Variants in KCTD16 observed in about 807,000 individuals in gnomAD.
KCTD16 encodes BTB/POZ domain-containing protein KCTD16.
KCTD16 carries 13 observed loss-of-function variants against 33.2 expected under a neutral mutation model. That is an observed-to-expected ratio of 0.39 (90% CI 0.25 to 0.62). The LOEUF is 0.62. Ranked by LOEUF, KCTD16 falls within the 20% of genes least tolerant of loss-of-function variation. KCTD16 has a pLI of 0.50. For synonymous variants in KCTD16, 197 were observed against 195.3 expected (o/e 1.01, Z -0.07); for missense variants, 441 against 525.1 (o/e 0.84, Z 1.57).
At chr5:144,340,827 A>G (rs1337722916) in intron 3 of KCTD16, among the ~76,000 whole-genome samples, 1 of 151,946 alleles carries the variant, frequency 6.6e-6, no homozygotes, top group Non-Finnish European at 1.5e-5. Flanking sequence ...AGGCAGATGG[A>G]TCACCTGAGG....
chr5:144,288,531 A>G (rs753842408), intron 3 of KCTD16, among the ~76,000 whole-genome samples: 23 of 152,190 alleles, frequency 1.5e-4, no homozygotes, highest in Admixed American at 2.0e-4. Flanking sequence ...ATTTGTGGGT[A>G]TATCACATAC....
intron 3 of KCTD16, among the ~76,000 whole-genome samples, chr5:144,454,739 GT>G (rs550171302): frequency 1.6e-3 from 241 of 150,924 alleles, no homozygotes; most frequent in Admixed American, 3.9e-3. Context: ...TACCAGGAGG[GT>G]TTTTTTTTCC....
At chr5:144,393,170 G>A (rs1479529356) in intron 3 of KCTD16, among the ~76,000 whole-genome samples, 2 of 152,074 alleles carry the variant, frequency 1.3e-5, no homozygotes, top group African/African-American at 4.8e-5. Flanking sequence ...GCTCATCACT[G>A]TTGCCCCTAC....
intron 3 of KCTD16, chr5:144,439,266 C>G: frequency 5.5e-6 from 2 of 366,052 alleles, no homozygotes; most frequent in East Asian, 7.1e-5. Flanking sequence ...TGAGTATTGG[C>G]ATGTCATGTT....
intron 3 of KCTD16, among the ~76,000 whole-genome samples, chr5:144,323,492 G>A (rs1200018943): frequency 6.6e-6 from 1 of 152,170 alleles, no homozygotes; most frequent in Non-Finnish European, 1.5e-5. Context: ...ATGGGTAGAT[G>A]TGTACTAGGT....
At chr5:144,468,324 A>G (rs969092222) in intron 3 of KCTD16, among the ~76,000 whole-genome samples, 3 of 152,110 alleles carry the variant, frequency 2.0e-5, no homozygotes, top group African/African-American at 7.2e-5. Flanking sequence ...TCTAACCAAT[A>G]CTTACGTTAA....
At chr5:144,418,181 T>C (rs1753121056) in intron 3 of KCTD16, among the ~76,000 whole-genome samples, 1 of 152,180 alleles carries the variant, frequency 6.6e-6, no homozygotes, top group African/African-American at 2.4e-5. Context: ...GTGTTACAGC[T>C]CATAAAGGTA....
chr5:144,474,098 G>A lies in KCTD16; in HGVS notation c.1271G>A (p.Arg424Lys), dbSNP rs767834547. ...CATCCTTGGCAATCTGAACTTTTAAGGAAGTATCATCTATAAGGGAGGGCT... is the reference window on the plus strand; with the variant it reads ...CATCCTTGGCAATCTGAACTTTTAAAGAAGTATCATCTATAAGGGAGGGCT... The part of the protein sequence containing the change: ...RKHPWQSELL[R>K]KYHL Residue 424 changes from arginine (R) to lysine (K), a missense_variant, in exon 4 of 4, where the codon AGG becomes AAG. Physicochemically the swap from Arg to Lys is conservative, Grantham distance 26. Transcript: ENST00000512467. 2 of 1,610,884 alleles carry A rather than the reference G, an allele frequency of 1.2e-6. No homozygotes were observed. The highest frequency in any genetic ancestry group is 2.2e-5 in the East Asian group (1 of 44,832).
intron 3 of KCTD16, among the ~76,000 whole-genome samples, chr5:144,345,436 A>G (rs1436514840): frequency 6.6e-6 from 1 of 152,182 alleles, no homozygotes; most frequent in Non-Finnish European, 1.5e-5. Flanking sequence ...CCTACATATT[A>G]GATATTGAGA....
chr5:144,429,258 C>T (rs953218983), intron 3 of KCTD16, among the ~76,000 whole-genome samples: 1 of 152,098 alleles, frequency 6.6e-6, no homozygotes, highest in African/African-American at 2.4e-5. Context: ...TGTCAAAAAT[C>T]CACCTTAGAC....
chr5:144,453,054 G>C (rs1243035040), intron 3 of KCTD16, among the ~76,000 whole-genome samples: 4 of 152,160 alleles, frequency 2.6e-5, no homozygotes, highest in Non-Finnish European at 5.9e-5. Context: ...GTCCTGAGAA[G>C]CCCTTTCTTC....
Position 144,206,614 on chromosome 5 carries a change from G to A in KCTD16, c.-101G>A. On this transcript the variant is annotated 5_prime_UTR_variant, in exon 3 of 4. Coordinates refer to ENST00000512467, the MANE Select transcript of KCTD16 (RefSeq NM_020768.4). Reference sequence around the variant, plus strand: ...GAGGAGGTCATTTTTTAATAAGTTAGCATCCTTTTCCCTTTCTTACAAGTT... The same window carrying A: ...GAGGAGGTCATTTTTTAATAAGTTAACATCCTTTTCCCTTTCTTACAAGTT... 2.0e-6 allele frequency: 2 copies of A among 1,004,412 alleles called. No homozygotes were observed. The highest frequency in any genetic ancestry group is 2.6e-4 in the Middle Eastern group (1 of 3,890). 62.2% of individuals were successfully genotyped at this position (1,004,412 alleles called of 1,614,324 possible).
At chr5:144,225,581 TG>T (rs1753906945) in intron 3 of KCTD16, among the ~76,000 whole-genome samples, 1 of 151,856 alleles carries the variant, frequency 6.6e-6, no homozygotes, top group Admixed American at 6.6e-5. Context: ...TGTGTGTGTG[TG>T]TGTGTGTGTG....
chr5:144,428,834 T>C (rs1426660636), intron 3 of KCTD16, among the ~76,000 whole-genome samples: 1 of 152,080 alleles, frequency 6.6e-6, no homozygotes, highest in African/African-American at 2.4e-5. Flanking sequence ...GGGAAGAAAA[T>C]ATTTGAGAGG....
chr5:144,283,634 T>C (rs1755666404), intron 3 of KCTD16, among the ~76,000 whole-genome samples: 1 of 152,182 alleles, frequency 6.6e-6, no homozygotes, highest in African/African-American at 2.4e-5. Context: ...CTTTTTAAAT[T>C]AGCTTGATAG....
intron 3 of KCTD16, among the ~76,000 whole-genome samples, chr5:144,341,423 C>T (rs545110834): frequency 6.6e-6 from 1 of 152,282 alleles, no homozygotes; most frequent in East Asian, 1.9e-4. Flanking sequence ...GTGTTCTCCT[C>T]ATGCCTGACC....
intron 3 of KCTD16, among the ~76,000 whole-genome samples, chr5:144,214,394 T>C (rs972953113): frequency 6.6e-6 from 1 of 152,154 alleles, no homozygotes; most frequent in African/African-American, 2.4e-5. Flanking sequence ...TTCTAAGGAG[T>C]GACTGACCAT....
intron 3 of KCTD16, among the ~76,000 whole-genome samples, chr5:144,243,472 T>C (rs1005885690): frequency 6.6e-6 from 1 of 152,196 alleles, no homozygotes; most frequent in African/African-American, 2.4e-5. Context: ...TTGGATCCCA[T>C]GTGTATTTGT....
chr5:144,336,893 C>A (rs1449437678), intron 3 of KCTD16, among the ~76,000 whole-genome samples: 4 of 151,764 alleles, frequency 2.6e-5, no homozygotes, highest in African/African-American at 7.3e-5. Context: ...GCTGAGATCC[C>A]GGTAATTCAA....
Sources: gnomAD v4.1 joint callset for allele counts (sites outside exome capture counted in the v4.1 genomes callset) on GRCh38, gnomAD v4.1.1 for gene constraint, MANE v1.5 for transcripts, NCBI Gene and HGNC (gene_info 2026-07-23, HGNC 2026-07-21) for gene names.